The following PARD6G variants were observed in gnomAD, a reference collection of about 807,000 sequenced individuals.
PARD6G encodes the protein par-6 family cell polarity regulator gamma, also known as partitioning defective 6 homolog gamma.
PARD6G carries 7 observed loss-of-function variants against 10.7 expected under a neutral mutation model. That is an observed-to-expected ratio of 0.66 (90% CI 0.37 to 1.23). The LOEUF (loss-of-function observed/expected upper bound fraction) is 1.23, where lower values mean the gene tolerates loss of function less well. Among genes scored for constraint, PARD6G ranks in the 50% most tolerant of loss-of-function variants. The pLI is 0.02. For missense variants in PARD6G, 548 were observed against 571.8 expected, an observed-to-expected ratio of 0.96 and a Z score of 0.42; for synonymous variants, 287 against 269.4, an observed-to-expected ratio of 1.07 and a Z score of -0.64.
At chr18:80,245,324 A>C (rs67491878) in intron 1 of PARD6G, among the ~76,000 whole-genome samples, 68,275 of 151,984 alleles carry the variant, frequency 0.45, 17,799 homozygotes, top group Non-Finnish European at 0.6. Context: ...ATGAGCACAG[A>C]AGTGAGTCTT....
chr18:80,226,614 G>T (rs1048114997), intron 1 of PARD6G, among the ~76,000 whole-genome samples: 2 of 152,124 alleles, frequency 1.3e-5, no homozygotes, highest in Non-Finnish European at 2.9e-5. Flanking sequence ...TTTGAAAACA[G>T]TCTTTTGCTG....
chr18:80,209,453 T>G (rs1341470496), intron 1 of PARD6G, among the ~76,000 whole-genome samples: 1 of 152,178 alleles, frequency 6.6e-6, no homozygotes, highest in Non-Finnish European at 1.5e-5. Flanking sequence ...TGGGGGAGAT[T>G]TCATCTTTTA....
intron 2 of PARD6G, among the ~76,000 whole-genome samples, chr18:80,193,163 C>T (rs572417974): frequency 6.6e-6 from 1 of 152,152 alleles, no homozygotes. Context: ...TCGCTCCTGA[C>T]CCTGACGTCC....
chr18:80,225,075 T>C (rs920723591), intron 1 of PARD6G, among the ~76,000 whole-genome samples: 2 of 152,166 alleles, frequency 1.3e-5, no homozygotes, highest in South Asian at 2.1e-4. Context: ...TAAAAAACTT[T>C]AGGATGTCAC....
intron 2 of PARD6G, among the ~76,000 whole-genome samples, chr18:80,165,151 T>C (rs943248729): frequency 1.3e-5 from 2 of 152,146 alleles, no homozygotes; most frequent in Non-Finnish European, 2.9e-5. Flanking sequence ...AGCCTGAAGG[T>C]TCTGCAGGAG....
intron 1 of PARD6G, among the ~76,000 whole-genome samples, chr18:80,226,691 C>T (rs1967296934): frequency 6.6e-6 from 1 of 152,114 alleles, no homozygotes; most frequent in South Asian, 2.1e-4. Flanking sequence ...AGAAAGATTA[C>T]ATCTGTTAAT....
chr18:80,213,800 T>A (rs933407310), intron 1 of PARD6G, among the ~76,000 whole-genome samples: 38 of 151,342 alleles, frequency 2.5e-4, no homozygotes, highest in African/African-American at 8.0e-4. Context: ...CTACTAAAAA[T>A]ACAAAAAATT....
At chr18:80,241,014 T>A (rs2145308435) in intron 1 of PARD6G, among the ~76,000 whole-genome samples, 1 of 152,320 alleles carries the variant, frequency 6.6e-6, no homozygotes, top group Non-Finnish European at 1.5e-5. Flanking sequence ...GAATAGCTAC[T>A]GAATAGAGGA....
intron 1 of PARD6G, among the ~76,000 whole-genome samples, chr18:80,229,601 G>A (rs1967335605): frequency 1.3e-5 from 2 of 152,228 alleles, no homozygotes; most frequent in South Asian, 4.1e-4. Flanking sequence ...ATGGGAGTCA[G>A]GGCTCATGTG....
intron 1 of PARD6G, among the ~76,000 whole-genome samples, chr18:80,216,748 T>C (rs768564052): frequency 6.6e-6 from 1 of 151,642 alleles, no homozygotes; most frequent in Admixed American, 6.6e-5. Flanking sequence ...AAGCAGAAAG[T>C]AGAAAATAAT....
intron 1 of PARD6G, among the ~76,000 whole-genome samples, chr18:80,221,563 A>G (rs75099108): frequency 2.0e-5 from 3 of 152,234 alleles, no homozygotes; most frequent in East Asian, 3.9e-4. Flanking sequence ...TTCATCCTAC[A>G]TAGAGAATAT....
intron 1 of PARD6G, among the ~76,000 whole-genome samples, chr18:80,217,146 T>C (rs1033540922): frequency 1.3e-5 from 2 of 151,944 alleles, no homozygotes; most frequent in African/African-American, 4.8e-5. Context: ...CAAAGGGAAA[T>C]AGAAACCAAC....
chr18:80,235,569 G>A (rs1967411625), intron 1 of PARD6G, among the ~76,000 whole-genome samples: 1 of 152,146 alleles, frequency 6.6e-6, no homozygotes. Flanking sequence ...ATGAATCCAG[G>A]AGCTGGTTTT....
intron 1 of PARD6G, among the ~76,000 whole-genome samples, chr18:80,220,950 C>A (rs1967221394): frequency 6.6e-6 from 1 of 152,046 alleles, no homozygotes; most frequent in Non-Finnish European, 1.5e-5. Context: ...TGTATGCCAA[C>A]AAATTGGATA....
intron 2 of PARD6G, among the ~76,000 whole-genome samples, chr18:80,168,258 C>T (rs1339763004): frequency 6.6e-6 from 1 of 152,062 alleles, no homozygotes; most frequent in African/African-American, 2.4e-5. Context: ...GGTATGGGGA[C>T]GAGGTGACTG....
intron 1 of PARD6G, among the ~76,000 whole-genome samples, chr18:80,230,193 C>T (rs1213877708): frequency 1.3e-5 from 2 of 152,220 alleles, no homozygotes; most frequent in African/African-American, 4.8e-5. Context: ...CAAGCCCAGA[C>T]GCATTCCAGC....
rs1369215226 is a variant in PARD6G, at chr18:80,182,937, G to C, written c.295+19773C>G. The C allele has an allele frequency of 2.0e-5, 12 of 608,494 alleles. No individual in the cohort carries two copies. Among genetic ancestry groups the C allele is most frequent in the Non-Finnish European group, 3.2e-5 (11 of 340,346 alleles). The allele number at this position is 608,494 out of a possible 1,614,324, so 37.7% of individuals were successfully genotyped here. A position where few individuals can be genotyped will look rare whatever the true frequency, so the allele number is the denominator to read the frequency against. ...AGCTGCGTGTGCCACAACACTGCAG[G>C]CCCCACACCACGCAGCCAGACGCCC... On this transcript the variant is annotated intron_variant, in intron 2 of 2. Transcript: ENST00000353265. This position sits in a 1 kb window ranked among gnomAD's most constrained non-coding sequence, Gnocchi z 4.5.
chr18:80,166,245 C>T (rs925564585), intron 2 of PARD6G, among the ~76,000 whole-genome samples: 3 of 151,228 alleles, frequency 2.0e-5, no homozygotes, highest in Non-Finnish European at 2.9e-5. Flanking sequence ...ATGGTCAGGT[C>T]GGCACCAACA....
chr18:80,165,150 G>T lies in PARD6G; in HGVS notation c.296-4544C>A, dbSNP rs779504950. Among the ~76,000 whole-genome samples the T allele has an allele frequency of 1.8e-4, 27 of 152,266 alleles. 1 individual carries two copies. Among genetic ancestry groups the T allele is most frequent in the Admixed American group, 5.2e-4 (8 of 15,298 alleles). ...TCTCCCCACCCTAGTAAGCCTGAAG[G>T]TTCTGCAGGAGACCAGGGCGTATCT... is the stretch of plus-strand genomic sequence containing the variant. On this transcript the variant is annotated intron_variant, in intron 2 of 2. Coordinates refer to ENST00000353265, the MANE Select transcript of PARD6G (RefSeq NM_032510.4).
Sources: gnomAD v4.1 joint callset for allele counts (sites outside exome capture counted in the v4.1 genomes callset) on GRCh38, gnomAD v4.1.1 for gene constraint, Gnocchi (gnomAD v3.1) non-coding constraint, MANE v1.5 for transcripts, NCBI Gene and HGNC (gene_info 2026-07-23, HGNC 2026-07-21) for gene names.